Variants in FRY observed in about 807,000 individuals in gnomAD.
FRY encodes the protein protein furry homolog.
A neutral mutation model predicts 348.4 loss-of-function variants in FRY; 128 were observed. That is an observed-to-expected ratio of 0.37 (90% CI 0.32 to 0.43). The LOEUF (loss-of-function observed/expected upper bound fraction) is 0.43. Ranked by LOEUF, FRY falls within the 20% of genes least tolerant of loss-of-function variation. The probability of loss-of-function intolerance (pLI) is 1.00; values close to 1 mark genes in which losing one functional copy is unlikely to be tolerated. For synonymous variants in FRY, 1,370 were observed against 1,374.7 expected, an observed-to-expected ratio of 1.00 and a Z score of 0.08; for missense variants, 2,736 against 3,695.2, an observed-to-expected ratio of 0.74 and a Z score of 6.73.
At chr13:32,277,153 T>C (rs1888573564) in intron 57 of FRY, among the ~76,000 whole-genome samples, 2 of 152,222 alleles carry the variant, frequency 1.3e-5, no homozygotes, top group Admixed American at 6.5e-5. Context: ...TAATTAATTG[T>C]ATGTAGTATG....
chr13:32,161,279 T>A, intron 17 of FRY, 28 bp downstream of exon 17: 3 of 1,293,262 alleles, frequency 2.3e-6, no homozygotes, highest in Non-Finnish European at 3.4e-6. Context: ...TTGGCCAAAA[T>A]TAATTTCGAT....
chr13:32,136,485 A>G (rs1334300310), intron 10 of FRY, among the ~76,000 whole-genome samples: 2 of 152,232 alleles, frequency 1.3e-5, no homozygotes, highest in South Asian at 4.1e-4. Flanking sequence ...AAAAAAGCCA[A>G]TAACATTTTC....
chr13:32,167,899 G>A (rs567060295), intron 17 of FRY, among the ~76,000 whole-genome samples: 28 of 152,288 alleles, frequency 1.8e-4, no homozygotes, highest in African/African-American at 2.9e-4. Context: ...GCTGCTTGGC[G>A]AGTGAAGGAG....
chr13:32,195,721 C>T (rs974140808), intron 29 of FRY, among the ~76,000 whole-genome samples: 1 of 152,148 alleles, frequency 6.6e-6, no homozygotes, highest in Non-Finnish European at 1.5e-5. Flanking sequence ...TCTCTAGTCA[C>T]AAAAATATTA....
At chr13:32,129,105 G>A (rs1879199768) in intron 7 of FRY, among the ~76,000 whole-genome samples, 1 of 152,160 alleles carries the variant, frequency 6.6e-6, no homozygotes, top group African/African-American at 2.4e-5. Context: ...TCCCAGTCAT[G>A]TTGGAGTCCT....
chr13:32,062,005 A>G (rs1407930481), intron 1 of FRY, among the ~76,000 whole-genome samples: 1 of 152,134 alleles, frequency 6.6e-6, no homozygotes, highest in Non-Finnish European at 1.5e-5. Flanking sequence ...TTTGTTTACT[A>G]AAGATTTGGG....
At chr13:32,209,813 G>T in intron 33 of FRY, 82 bp downstream of exon 33, 4 of 1,345,148 alleles carry the variant, frequency 3.0e-6, no homozygotes, top group Non-Finnish European at 4.3e-6. Flanking sequence ...TGTGCTCTTT[G>T]CTCCAGCTAA....
At chr13:32,086,078 A>G in intron 2 of FRY, 1 of 462,768 alleles carries the variant, frequency 2.2e-6, no homozygotes, top group Non-Finnish European at 4.3e-6. Context: ...AGGGTTTTCA[A>G]AGGCTTTCAA....
At chr13:32,255,194 G>A (rs1422063975) in intron 51 of FRY, among the ~76,000 whole-genome samples, 1 of 152,128 alleles carries the variant, frequency 6.6e-6, no homozygotes, top group African/African-American at 2.4e-5. Flanking sequence ...ATGCAAAGGT[G>A]CCTCGTTCGG....
At chr13:32,260,121 C>T (rs541991422) in intron 51 of FRY, among the ~76,000 whole-genome samples, 22 of 152,232 alleles carry the variant, frequency 1.4e-4, no homozygotes, top group Non-Finnish European at 2.6e-4. Context: ...GAATGGCAAG[C>T]TTGTTTCACT....
chr13:32,176,911 C>T (rs1248049578), intron 20 of FRY, among the ~76,000 whole-genome samples: 1 of 152,166 alleles, frequency 6.6e-6, no homozygotes, highest in Non-Finnish European at 1.5e-5. Flanking sequence ...ATTCAATACA[C>T]AGAGATTCTG....
intron 56 of FRY, among the ~76,000 whole-genome samples, chr13:32,275,441 A>T (rs1177769163): frequency 6.6e-6 from 1 of 152,194 alleles, no homozygotes; most frequent in Non-Finnish European, 1.5e-5. Flanking sequence ...CTGTATTGTG[A>T]TATGACTCTC....
chr13:32,046,403 G>A (rs74044325), intron 1 of FRY, among the ~76,000 whole-genome samples: 1,565 of 152,282 alleles, frequency 0.01, 33 homozygotes, highest in African/African-American at 0.036. Context: ...ATCTACCCTA[G>A]CCTGATGCTG....
At chr13:32,118,230 C>A (rs1593632735) in intron 4 of FRY, among the ~76,000 whole-genome samples, 1 of 151,932 alleles carries the variant, frequency 6.6e-6, no homozygotes, top group Admixed American at 6.6e-5. Context: ...ATACACTTAC[C>A]TTTTTTAAAA....
chr13:32,199,346 CCTAGAATGGAATATGTGGCAG>C (rs1174681655), intron 29 of FRY, among the ~76,000 whole-genome samples: 1 of 152,092 alleles, frequency 6.6e-6, no homozygotes, highest in Non-Finnish European at 1.5e-5. Flanking sequence ...ATGATATGTT[CCTAGAATGGAATATGTGGCAG>C]CTATTAGGAA....
chr13:32,211,269 C>T (rs564723204), intron 34 of FRY, among the ~76,000 whole-genome samples: 1 of 152,284 alleles, frequency 6.6e-6, no homozygotes, highest in East Asian at 1.9e-4. Flanking sequence ...ACCAGCCTGG[C>T]CAACGTGACA....
At position 32,298,817 on chromosome 13, in the gene FRY, GGTGAAATGA is replaced by G. The variant is rs761693304; in HGVS notation, c.*3363_*3371del. On this transcript the variant is annotated 3_prime_UTR_variant, in exon 61 of 61. Transcript: ENST00000542859. ...GGGACAGCAAGGAAGCCAATGACCG[GGTGAAATGA>G]GTGAAGAGAGCGTTCAGAGAGGACA... 1 of 152,274 alleles carries G rather than the reference GGTGAAATGA, an allele frequency of 6.6e-6. No individual in the cohort carries two copies. The highest frequency in any genetic ancestry group is 1.5e-5 in the Non-Finnish European group (1 of 68,064). 9.4% of individuals were successfully genotyped at this position (152,274 alleles called of 1,614,324 possible). A position where few individuals can be genotyped will look rare whatever the true frequency, so the allele number is the denominator to read the frequency against.
At chr13:32,186,088 C>T (rs2073999) in intron 26 of FRY, among the ~76,000 whole-genome samples, 172 bp from the exon 27 acceptor site, 6,906 of 152,286 alleles carry the variant, frequency 0.045, 349 homozygotes, top group East Asian at 0.28. Context: ...AGGAAGAGTG[C>T]ACACTTAGAA....
At chr13:32,265,331 T>C (rs1223094071) in intron 53 of FRY, 119 bp from the exon 54 acceptor site, 1 of 944,562 alleles carries the variant, frequency 1.1e-6, no homozygotes, top group South Asian at 1.4e-5. Context: ...AGAAAACAAA[T>C]GTCCCCATTT....
Sources: gnomAD v4.1 joint callset for allele counts (sites outside exome capture counted in the v4.1 genomes callset) on GRCh38, gnomAD v4.1.1 for gene constraint, MANE v1.5 for transcripts, NCBI Gene and HGNC (gene_info 2026-07-23, HGNC 2026-07-21) for gene names.